The following CCZ1B variants were observed in gnomAD, a reference collection of about 807,000 sequenced individuals.
CCZ1B encodes the protein vacuolar fusion protein CCZ1 homolog B.
Under a neutral mutation model 58.8 loss-of-function variants are expected in CCZ1B, and 25 were observed. That is an observed-to-expected ratio of 0.43 (90% CI 0.31 to 0.59). The LOEUF (loss-of-function observed/expected upper bound fraction) is 0.59. Ranked by LOEUF, CCZ1B falls within the 20% of genes least tolerant of loss-of-function variation. The probability of loss-of-function intolerance (pLI) is 0.12; values close to 1 mark genes in which losing one functional copy is unlikely to be tolerated. For synonymous variants in CCZ1B, 66 were observed against 173.2 expected, an observed-to-expected ratio of 0.38 and a Z score of 4.86; for missense variants, 180 against 501.5, an observed-to-expected ratio of 0.36 and a Z score of 6.12.
At chr7:6,823,656 T>C (rs1350807594) in intron 4 of CCZ1B, among the ~76,000 whole-genome samples, 13 of 151,688 alleles carry the variant, frequency 8.6e-5, no homozygotes, top group Admixed American at 6.6e-4. Context: ...GAAGCCGGGA[T>C]GACAGGTGTG....
Position 6,820,078 on chromosome 7 carries a change from C to T in CCZ1B, c.523-137G>A, listed in dbSNP as rs546119692. ...CTAGCAAACAGCACAACAATGAGGC[C>T]GTGGTGAAGACATGGGTGACTGAGT... On this transcript the variant is annotated intron_variant, in intron 6 of 14. Transcript: ENST00000316731. 103 of 1,277,010 alleles carry T rather than the reference C, an allele frequency of 8.1e-5. 13 individuals are homozygous for T. The African/African-American group carries it at 1.5e-3, about 19-fold the overall frequency. The allele number at this position is 1,277,010 out of a possible 1,614,324, so 79.1% of individuals were successfully genotyped here. A position where few individuals can be genotyped will look rare whatever the true frequency, so the allele number is the denominator to read the frequency against.
intron 1 of CCZ1B, among the ~76,000 whole-genome samples, chr7:6,825,830 C>T (rs1026330173): frequency 1.4e-5 from 1 of 73,332 alleles, no homozygotes; most frequent in African/African-American, 6.3e-5. Context: ...AGAACTGACG[C>T]AAAGCAAAGC....
chr7:6,808,384 C>CAAAAA (rs766038650), intron 10 of CCZ1B, among the ~76,000 whole-genome samples: 1 of 94,604 alleles, frequency 1.1e-5, no homozygotes, highest in Non-Finnish European at 2.2e-5. Context: ...ACCAAAAAAC[C>CAAAAA]AAAAAAAAAA....
chr7:6,816,342 C>G (rs1372877999), intron 7 of CCZ1B, among the ~76,000 whole-genome samples: 1 of 148,946 alleles, frequency 6.7e-6, no homozygotes, highest in Admixed American at 6.7e-5. Flanking sequence ...TTTGCTAGGC[C>G]TGATAGCACA....
chr7:6,822,142 T>C lies in CCZ1B; in HGVS notation c.522+139A>G, dbSNP rs1783121791. Reference sequence around the variant, plus strand: ...ATGCGTTTCCTCGCTGCTCCAGTTTTGCGACGGTCTGTCTCAGGCTCTTTG... The same window carrying C: ...ATGCGTTTCCTCGCTGCTCCAGTTTCGCGACGGTCTGTCTCAGGCTCTTTG... On this transcript the variant is annotated intron_variant, in intron 6 of 14. Coordinates refer to ENST00000316731, the MANE Select transcript of CCZ1B (RefSeq NM_198097.5). 2.4e-6 allele frequency: 3 copies of C among 1,273,424 alleles called. No individual in the cohort carries two copies. In the East Asian group the frequency reaches 7.5e-5, roughly 32 times the overall value. The allele number at this position is 1,273,424 out of a possible 1,614,324, so 78.9% of individuals were successfully genotyped here.
At chr7:6,818,639 A>AAGACAGAC (rs1562431303) in intron 7 of CCZ1B, among the ~76,000 whole-genome samples, 4 of 141,358 alleles carry the variant, frequency 2.8e-5, no homozygotes, top group Non-Finnish European at 4.6e-5. Context: ...AAAGACAAGA[A>AAGACAGAC]AGAAAGAAAG....
intron 9 of CCZ1B, 53 bp from the exon 10 acceptor site, chr7:6,812,116 G>C (rs1241179901): frequency 1.0e-5 from 10 of 953,990 alleles, no homozygotes; most frequent in Non-Finnish European, 1.5e-5. Context: ...GGAGAATCAG[G>C]AATCTAGAAA....
intron 4 of CCZ1B, among the ~76,000 whole-genome samples, chr7:6,823,680 G>T (rs1312827249): frequency 6.6e-6 from 1 of 152,086 alleles, no homozygotes; most frequent in Non-Finnish European, 1.5e-5. Context: ...CACCATCCCT[G>T]GCCAGTTTTT....
At chr7:6,804,138 G>C (rs1159737520) in intron 12 of CCZ1B, among the ~76,000 whole-genome samples, 1 of 150,274 alleles carries the variant, frequency 6.7e-6, no homozygotes, top group Non-Finnish European at 1.5e-5. Flanking sequence ...AGAAAAGATA[G>C]GCATGGCCGG....
At chr7:6,823,740 A>T in intron 4 of CCZ1B, 2 of 485,826 alleles carry the variant, frequency 4.1e-6, no homozygotes, top group Non-Finnish European at 6.7e-6. Flanking sequence ...GCTGGTCTCG[A>T]ACCCCTGACC....
intron 3 of CCZ1B, 27 bp from the exon 4 acceptor site, chr7:6,824,193 T>C (rs1410098083): frequency 1.4e-6 from 2 of 1,409,010 alleles, no homozygotes; most frequent in Non-Finnish European, 1.9e-6. Context: ...ACTGAAATTA[T>C]ACAATGAATT....
At chr7:6,823,226 T>C (rs1262051614) in intron 5 of CCZ1B, 87 bp downstream of exon 5, 1 of 1,560,666 alleles carries the variant, frequency 6.4e-7, no homozygotes, top group African/African-American at 1.4e-5. Flanking sequence ...TTTGCAGTCA[T>C]TTATAGACTT....
Position 6,824,691 on chromosome 7 carries a change from T to G in CCZ1B, c.167A>C (p.Asn56Thr), listed in dbSNP as rs775963081. The G allele has an allele frequency of 2.5e-6, 4 of 1,606,666 alleles. No individual in the cohort carries two copies. In the Admixed American group the frequency reaches 6.8e-5, roughly 27 times the overall value. ...LFYHPNEVEK[N>T]EKIRNVGLCE... Reference sequence around the variant, plus strand: ...CAATCCGACATTTCTAATCTTCTCATTCTTTTCTACCTCATTTGGATGATA... The same window carrying G: ...CAATCCGACATTTCTAATCTTCTCAGTCTTTTCTACCTCATTTGGATGATA... The change falls in exon 2 of 15, where the codon AAT (asparagine) becomes ACT (threonine). Residue 56 changes from asparagine to threonine, a missense_variant. Coordinates refer to ENST00000316731, the MANE Select transcript of CCZ1B (RefSeq NM_198097.5).
intron 7 of CCZ1B, among the ~76,000 whole-genome samples, chr7:6,817,192 C>G (rs1023498951): frequency 2.0e-5 from 3 of 151,800 alleles, no homozygotes; most frequent in Non-Finnish European, 4.4e-5. Context: ...TGCTCAACCC[C>G]TCAGATGCTA....
rs1207586872 is a variant in CCZ1B at position 6,818,695 on chromosome 7, CAAGAAAGAAAGAAAGACAAGA to C, written c.698+1050_698+1070del. On this transcript the variant is annotated intron_variant, in intron 7 of 14. Transcript: ENST00000316731. Reference sequence around the variant, plus strand: ...AAAGAAAGAAAGAAAGAAAGAAAGACAAGAAAGAAAGAAAGACAAGAAAGAAAGAAAGAAAGAAAGAAAGAG... The same window carrying C: ...AAAGAAAGAAAGAAAGAAAGAAAGACAAGAAAGAAAGAAAGAAAGAAAGAG... Among the ~76,000 whole-genome samples the C allele has an allele frequency of 7.7e-4, 46 of 59,468 alleles. 2 individuals carry two copies. Among genetic ancestry groups the C allele is most frequent in the African/African-American group, 2.6e-3 (31 of 11,760 alleles). 39.0% of individuals were successfully genotyped at this position (59,468 alleles called of 152,430 possible).
chr7:6,825,609 T>C (rs1328172147), intron 1 of CCZ1B, among the ~76,000 whole-genome samples: 1 of 101,298 alleles, frequency 9.9e-6, no homozygotes, highest in Non-Finnish European at 1.9e-5. Flanking sequence ...CGGACATCCT[T>C]TGAGAAAGTC....
intron 10 of CCZ1B, among the ~76,000 whole-genome samples, chr7:6,810,119 C>T (rs1461423717): frequency 6.7e-6 from 1 of 150,328 alleles, no homozygotes; most frequent in East Asian, 1.9e-4. Context: ...ACAAGTGATT[C>T]TCCTGCCTCA....
rs756224721 is a variant in CCZ1B, at chr7:6,812,018, G to A, written c.888C>T (p.Cys296=). 1.3e-6 allele frequency: 2 copies of A among 1,573,784 alleles called. No individual in the cohort carries two copies. Among genetic ancestry groups the A allele is most frequent in the South Asian group, 2.2e-5 (2 of 88,962 alleles). ...PLNLNDPDAK[C]RFPKIFVNTD... ...TATTTACAAAAATTTTGGGGAATCT[G>A]CATTTTGCATCTGGATCATTGAGGT... Residue 296 remains cysteine, a synonymous_variant, in exon 10 of 15, where the codon TGC becomes TGT. Transcript: ENST00000316731.
At chr7:6,823,597 C>A (rs1583558411) in intron 4 of CCZ1B, among the ~76,000 whole-genome samples, 2 of 141,282 alleles carry the variant, frequency 1.4e-5, no homozygotes, top group South Asian at 4.5e-4. Context: ...TGGCTCACTG[C>A]AACATTTGCG....
Sources: gnomAD v4.1 joint callset for allele counts (sites outside exome capture counted in the v4.1 genomes callset) on GRCh38, gnomAD v4.1.1 for gene constraint, MANE v1.5 for transcripts, NCBI Gene and HGNC (gene_info 2026-07-23, HGNC 2026-07-21) for gene names.